Variants in MAF observed in about 807,000 individuals in gnomAD.
MAF encodes the protein MAF bZIP transcription factor, also known as transcription factor Maf.
Under a neutral mutation model 22.0 loss-of-function variants are expected in MAF, and 10 were observed. The observed-to-expected ratio is 0.45, with a 90% CI of 0.28 to 0.77. MAF has a LOEUF of 0.77. MAF is among the 30% of genes least tolerant of loss of function. MAF has a pLI of 0.12. For missense variants in MAF, 544 were observed against 548.4 expected, an observed-to-expected ratio of 0.99 and a Z score of 0.08; for synonymous variants, 337 against 255.8, an observed-to-expected ratio of 1.32 and a Z score of -3.03.
At chr16:79,295,474 T>C in the MAF span, among the ~76,000 whole-genome samples, 1 of 152,210 alleles carries the variant, frequency 6.6e-6, no homozygotes, top group South Asian at 2.1e-4. Context: ...GAACATGGTT[T>C]GAACAGTTGG....
chr16:79,220,608 A>G, the MAF span, among the ~76,000 whole-genome samples: 1 of 152,216 alleles, frequency 6.6e-6, no homozygotes. Context: ...CTTTACCACC[A>G]CCATGTTTCA....
At chr16:79,495,167 T>C in the MAF span, among the ~76,000 whole-genome samples, 4 of 152,066 alleles carry the variant, frequency 2.6e-5, no homozygotes, top group Non-Finnish European at 4.4e-5. Flanking sequence ...GGTGATAGAA[T>C]AGCAAAAGAT....
chr16:79,502,450 G>C, the MAF span, among the ~76,000 whole-genome samples: 15 of 152,020 alleles, frequency 9.9e-5, no homozygotes, highest in African/African-American at 3.1e-4. Context: ...TGGGTGGCTT[G>C]AGGTCACAAA....
chr16:79,509,057 T>C, the MAF span, among the ~76,000 whole-genome samples: 2 of 152,356 alleles, frequency 1.3e-5, no homozygotes, highest in African/African-American at 2.4e-5. Context: ...TAATTCATGA[T>C]AGCTACTGCT....
the MAF span, among the ~76,000 whole-genome samples, chr16:79,342,957 G>T: frequency 6.6e-6 from 1 of 152,080 alleles, no homozygotes; most frequent in East Asian, 1.9e-4. Flanking sequence ...AGGAAGATGT[G>T]CAAATCTTCT....
chr16:79,323,739 A>G, the MAF span, among the ~76,000 whole-genome samples: 1 of 152,182 alleles, frequency 6.6e-6, no homozygotes, highest in Non-Finnish European at 1.5e-5. Flanking sequence ...GGCATCTGAG[A>G]GCAACATCTT....
At chr16:79,558,305 G>C in the MAF span, among the ~76,000 whole-genome samples, 8 of 152,080 alleles carry the variant, frequency 5.3e-5, no homozygotes, top group Admixed American at 5.2e-4. Flanking sequence ...GAAGAAAGAA[G>C]GAAGGGAGGG....
the MAF span, among the ~76,000 whole-genome samples, chr16:79,507,187 C>A: frequency 4.6e-5 from 7 of 151,112 alleles, no homozygotes; most frequent in Non-Finnish European, 8.8e-5. Flanking sequence ...GATCTCGGCC[C>A]ACTGCAAGCT....
the MAF span, among the ~76,000 whole-genome samples, chr16:79,544,637 G>C: frequency 6.6e-6 from 1 of 151,812 alleles, no homozygotes; most frequent in Non-Finnish European, 1.5e-5. Context: ...AGCCAGGCGT[G>C]GTGGCAGGTA....
At chr16:79,283,646 T>A in the MAF span, among the ~76,000 whole-genome samples, 11 of 152,332 alleles carry the variant, frequency 7.2e-5, no homozygotes, top group Non-Finnish European at 1.6e-4. Flanking sequence ...TTCTGAAAAT[T>A]GTCCAAATAT....
chr16:79,412,044 G>C, the MAF span, among the ~76,000 whole-genome samples: 1 of 152,208 alleles, frequency 6.6e-6, no homozygotes, highest in Non-Finnish European at 1.5e-5. Context: ...TGCAGACTGA[G>C]CACTTAGTAC....
chr16:79,364,782 T>A, the MAF span, among the ~76,000 whole-genome samples: 1 of 152,224 alleles, frequency 6.6e-6, no homozygotes, highest in Non-Finnish European at 1.5e-5. Context: ...TCTTCCCGTG[T>A]TAGACCCTTA....
At chr16:79,561,128 C>A in the MAF span, among the ~76,000 whole-genome samples, 1 of 152,174 alleles carries the variant, frequency 6.6e-6, no homozygotes, top group Non-Finnish European at 1.5e-5. Context: ...ATGAAATCTT[C>A]TGGGTCACAC....
chr16:79,368,196 C>A, the MAF span, among the ~76,000 whole-genome samples: 1 of 152,120 alleles, frequency 6.6e-6, no homozygotes, highest in Admixed American at 6.5e-5. Flanking sequence ...TAGTTTTCAT[C>A]GCGTCTGGGA....
chr16:79,363,795 G>A, the MAF span, among the ~76,000 whole-genome samples: 2 of 152,188 alleles, frequency 1.3e-5, no homozygotes, highest in Non-Finnish European at 2.9e-5. Flanking sequence ...ATCATTAAGA[G>A]TTGACTAGAT....
the MAF span, among the ~76,000 whole-genome samples, chr16:79,472,406 T>C: frequency 2.0e-5 from 3 of 152,184 alleles, no homozygotes; most frequent in Non-Finnish European, 2.9e-5. Context: ...ACCCAAGATA[T>C]GTTCTATCCA....
chr16:79,385,555 T>C, the MAF span, among the ~76,000 whole-genome samples: 1 of 152,230 alleles, frequency 6.6e-6, no homozygotes, highest in Non-Finnish European at 1.5e-5. Flanking sequence ...ATAATAAGAT[T>C]ATACTTTACA....
chr16:79,228,832 C>T, the MAF span, among the ~76,000 whole-genome samples: 1 of 151,858 alleles, frequency 6.6e-6, no homozygotes, highest in African/African-American at 2.4e-5. Context: ...ACCAAGGGTG[C>T]AGGTTTAACA....
At chr16:79,366,098 T>A in the MAF span, among the ~76,000 whole-genome samples, 1 of 152,250 alleles carries the variant, frequency 6.6e-6, no homozygotes, top group Non-Finnish European at 1.5e-5. Flanking sequence ...AAAACTAATA[T>A]TTGTTTTTCT....
Sources: gnomAD v4.1 joint callset for allele counts (sites outside exome capture counted in the v4.1 genomes callset) on GRCh38, gnomAD v4.1.1 for gene constraint, MANE v1.5 for transcripts, NCBI Gene and HGNC (gene_info 2026-07-23, HGNC 2026-07-21) for gene names.